The following NSD1 variants were observed in gnomAD, a reference collection of about 807,000 sequenced individuals.
The protein encoded by NSD1 is nuclear receptor binding SET domain protein 1.
A neutral mutation model predicts 242.7 loss-of-function variants in NSD1; 26 were observed. The observed-to-expected ratio is 0.11, with a 90% CI of 0.08 to 0.15. The LOEUF is 0.15. Ranked by LOEUF, NSD1 falls within the 10% of genes least tolerant of loss-of-function variation. NSD1 has a pLI of 1.00. For synonymous variants in NSD1, 1,106 were observed against 1,178.1 expected (o/e 0.94, Z 1.25); for missense variants, 2,495 against 3,272.8 (o/e 0.76, Z 5.80).
chr5:177,180,618 G>A (rs1481074707), intron 2 of NSD1, among the ~76,000 whole-genome samples: 1 of 151,858 alleles, frequency 6.6e-6, no homozygotes, highest in African/African-American at 2.4e-5. Flanking sequence ...CCCACCCTGT[G>A]ATTATAATTT....
chr5:177,217,539 C>A (rs747014278), intron 5 of NSD1, among the ~76,000 whole-genome samples: 3 of 151,996 alleles, frequency 2.0e-5, no homozygotes, highest in African/African-American at 4.8e-5. Context: ...TGCTCTTTAT[C>A]TTAGAGGAAA....
chr5:177,242,795 C>T (rs1035488280), intron 8 of NSD1, among the ~76,000 whole-genome samples: 2 of 152,128 alleles, frequency 1.3e-5, no homozygotes, highest in Non-Finnish European at 2.9e-5. Context: ...CCCCAAAATG[C>T]TGGGAATACA....
Position 177,295,465 on chromosome 5 carries a change from A to G in NSD1, c.*6A>G. The G allele has an allele frequency of 1.2e-6, 2 of 1,613,728 alleles. No homozygotes were observed. Among genetic ancestry groups the G allele is most frequent in the Non-Finnish European group, 1.7e-6 (2 of 1,179,782 alleles). The stretch of plus-strand genomic sequence containing the variant: ...CAGAATCAGAACAGAAGTAGTACCA[A>G]TCAATGTCACATGAACAAACAAGCT... On this transcript the variant is annotated 3_prime_UTR_variant, in exon 23 of 23. Transcript: ENST00000439151. The surrounding 1 kb of genome is among the most constrained non-coding windows in gnomAD (Gnocchi z 4.3).
chr5:177,266,384 A>G (rs1358051958), intron 14 of NSD1: 3 of 672,930 alleles, frequency 4.5e-6, no homozygotes, highest in Non-Finnish European at 8.4e-6. Context: ...GCGAACATGC[A>G]GAGGATGCTT....
At chr5:177,156,595 T>C (rs1193083816) in intron 2 of NSD1, among the ~76,000 whole-genome samples, 3 of 152,172 alleles carry the variant, frequency 2.0e-5, no homozygotes, top group Non-Finnish European at 4.4e-5. Flanking sequence ...GCAAGTGGAT[T>C]GCTTGAGCCC....
rs1760376194 is a variant in NSD1 at position 177,298,274 on chromosome 5, T to C, written c.*2815T>C. The stretch of plus-strand genomic sequence containing the variant: ...TTCTGGTCCTTAACGCAGGGTGGTA[T>C]TTGGGTATGTGCTTGGAAATTGAGA... On this transcript the variant is annotated 3_prime_UTR_variant, in exon 23 of 23. Transcript: ENST00000439151. 1 of 233,160 alleles carries C rather than the reference T, an allele frequency of 4.3e-6. No individual in the cohort carries two copies. The highest frequency in any genetic ancestry group is 1.8e-4 in the South Asian group (1 of 5,522). The allele number at this position is 233,160 out of a possible 1,614,324, so 14.4% of individuals were successfully genotyped here.
intron 3 of NSD1, among the ~76,000 whole-genome samples, chr5:177,199,918 A>G (rs1367616247): frequency 6.6e-6 from 1 of 151,878 alleles, no homozygotes; most frequent in African/African-American, 2.4e-5. Flanking sequence ...TTCAGCTTAT[A>G]ATGGGTATGT....
intron 17 of NSD1, among the ~76,000 whole-genome samples, chr5:177,276,520 T>G (rs1280534062): frequency 6.6e-6 from 1 of 152,172 alleles, no homozygotes. Context: ...GAGATGGGGT[T>G]TCACCATGTT....
intron 9 of NSD1, among the ~76,000 whole-genome samples, chr5:177,246,301 T>A (rs1399289173): frequency 6.6e-6 from 1 of 152,214 alleles, no homozygotes; most frequent in Non-Finnish European, 1.5e-5. Flanking sequence ...TGATTTGTAT[T>A]ATTGTCTCCA....
intron 21 of NSD1, among the ~76,000 whole-genome samples, chr5:177,290,027 C>CCG (rs1759673292): frequency 1.3e-5 from 2 of 151,564 alleles, no homozygotes; most frequent in South Asian, 4.2e-4. Context: ...CAGGGTTTCA[C>CCG]TGTTGTTAGC....
At position 177,210,424 on chromosome 5, in the gene NSD1, G is replaced by C. The variant is rs1763242157; in HGVS notation, c.2025G>C (p.Met675Ile). 1.2e-6 allele frequency: 2 copies of C among 1,614,124 alleles called. No individual in the cohort carries two copies. The highest frequency in any genetic ancestry group is 1.7e-6 in the Non-Finnish European group (2 of 1,180,002). ...IPDAFDRTEN[M>I]LSMQKNEKIK... ...ATGCTTTCGATAGAACAGAGAACAT[G>C]TTATCTATGCAGAAAAATGAAAAGA... Residue 675 changes from methionine to isoleucine, a missense_variant, in exon 5 of 23, where the codon ATG becomes ATC. Coordinates refer to ENST00000439151, the MANE Select transcript of NSD1 (RefSeq NM_022455.5).
chr5:177,210,060 T>C lies in NSD1; in HGVS notation c.1661T>C (p.Ile554Thr). The change falls in exon 5 of 23, where the codon ATA becomes ACA. Residue 554 changes from isoleucine to threonine, a missense_variant. By Grantham distance (89) the Ile-to-Thr change is moderately conservative. Transcript: ENST00000439151. ...DTQASNELSR[I>T]ANSLTGSNTA... ...CAGGCCTCTAATGAACTTTCCAGGA[T>C]AGCAAATAGCCTCACAGGGTCCAAC... is the stretch of plus-strand genomic sequence containing the variant. 1 of 1,614,008 alleles carries C rather than the reference T, an allele frequency of 6.2e-7. No homozygotes were observed. The highest frequency in any genetic ancestry group is 8.5e-7 in the Non-Finnish European group (1 of 1,179,948).
At chr5:177,172,414 C>T (rs1759790180) in intron 2 of NSD1, among the ~76,000 whole-genome samples, 1 of 151,780 alleles carries the variant, frequency 6.6e-6, no homozygotes, top group African/African-American at 2.4e-5. Flanking sequence ...ATGCTTTCAT[C>T]AGGTAAAATG....
intron 13 of NSD1, 50 bp downstream of exon 13, chr5:177,257,201 T>A: frequency 7.2e-7 from 1 of 1,395,078 alleles, no homozygotes; most frequent in Non-Finnish European, 1.0e-6. Context: ...TCAGTTTAAT[T>A]GGCAACAGAT....
chr5:177,158,443 A>C (rs1022609832), intron 2 of NSD1, among the ~76,000 whole-genome samples: 1 of 151,034 alleles, frequency 6.6e-6, no homozygotes, highest in East Asian at 2.0e-4. Context: ...GGTTCAAGCA[A>C]TTCTCTGCCT....
intron 2 of NSD1, among the ~76,000 whole-genome samples, chr5:177,191,071 A>G (rs1581252368): frequency 6.7e-6 from 1 of 149,502 alleles, no homozygotes; most frequent in African/African-American, 2.5e-5. Context: ...GGTTCAAGCG[A>G]TTCTCCTGTC....
intron 10 of NSD1, chr5:177,247,869 C>T (rs1766426022): frequency 1.0e-6 from 1 of 964,454 alleles, no homozygotes; most frequent in Non-Finnish European, 1.2e-6. Context: ...AAACACTGAT[C>T]TTGGAAGGAC....
chr5:177,281,925 C>CCAT (rs1323133253), intron 18 of NSD1, among the ~76,000 whole-genome samples: 1 of 152,160 alleles, frequency 6.6e-6, no homozygotes, highest in African/African-American at 2.4e-5. Flanking sequence ...CAGGCATGAG[C>CCAT]CATCACTCTT....
Position 177,204,180 on chromosome 5 carries a change from G to C in NSD1, c.1124G>C (p.Arg375Thr), listed in dbSNP as rs763396547. The C allele has an allele frequency of 1.9e-6, 3 of 1,614,162 alleles. No homozygotes were observed. The Admixed American group carries it at 5.0e-5, about 27-fold the overall frequency. The stretch of plus-strand genomic sequence containing the variant: ...GAGGCTTTTGGAGATCCTTCTGAGA[G>C]AGCCTGGGTGGCTGGAAAAGCAATC... ...YVEAFGDPSE[R>T]AWVAGKAIVM... The change falls in exon 4 of 23, where the codon AGA becomes ACA. Residue 375 changes from arginine to threonine, a missense_variant. Physicochemically the swap from Arg to Thr is moderately conservative, Grantham distance 71 (BLOSUM62 -1). This residue lies in a region of NSD1 where 65 missense variants were observed against 136.2 expected (regional missense o/e 0.48). Coordinates refer to ENST00000439151, the MANE Select transcript of NSD1 (RefSeq NM_022455.5).
Sources: gnomAD v4.1 joint callset for allele counts (sites outside exome capture counted in the v4.1 genomes callset) on GRCh38, gnomAD v4.1.1 for gene constraint, gnomAD v4.1.1 regional missense constraint, Gnocchi (gnomAD v3.1) non-coding constraint, MANE v1.5 for transcripts, NCBI Gene and HGNC (gene_info 2026-07-23, HGNC 2026-07-21) for gene names.